The following SMG7 variants were observed in gnomAD, a reference collection of about 807,000 sequenced individuals.
SMG7 encodes SMG7 nonsense mediated mRNA decay factor, also known as nonsense-mediated mRNA decay factor SMG7.
A neutral mutation model predicts 148.2 loss-of-function variants in SMG7; 34 were observed. The ratio of observed to expected loss-of-function variants is 0.23; its 90% CI spans 0.17 to 0.31. SMG7 has a LOEUF of 0.31. Among genes scored for constraint, SMG7 ranks in the 10% least tolerant of loss-of-function variants. The probability of loss-of-function intolerance (pLI) is 1.00; values close to 1 mark genes in which losing one functional copy is unlikely to be tolerated. For synonymous variants in SMG7, 492 were observed against 515.1 expected, an observed-to-expected ratio of 0.96 and a Z score of 0.61; for missense variants, 1,114 against 1,408.4, an observed-to-expected ratio of 0.79 and a Z score of 3.35.
Position 183,533,820 on chromosome 1 carries a change from A to G in SMG7, c.1151A>G (p.Asp384Gly). The G allele has an allele frequency of 6.2e-7, 1 of 1,609,816 alleles. No individual in the cohort carries two copies. Among genetic ancestry groups the G allele is most frequent in the South Asian group, 1.1e-5 (1 of 90,378 alleles). The change falls in exon 10 of 23, where the codon GAT becomes GGT. Residue 384 changes from aspartate to glycine, a missense_variant. By Grantham distance (94) the Asp-to-Gly change is moderately conservative (BLOSUM62 -1). Transcript: ENST00000688051. ...RPRVFQEAVV[D>G]ERQYIWPWLI... ...AGGGTCTTTCAGGAGGCAGTGGTGG[A>G]TGAAAGACAGTAGTAAGTATTTTTA...
intron 7 of SMG7, 39 bp downstream of exon 7, chr1:183,529,081 A>G: frequency 1.3e-6 from 2 of 1,565,400 alleles, no homozygotes; most frequent in Non-Finnish European, 8.6e-7. Context: ...TTCCAAGAGG[A>G]CTTTGTAACC....
chr1:183,527,848 A>T lies in SMG7; in HGVS notation c.485-108A>T. Reference sequence around the variant, plus strand: ...AGTATTTTGTCTTTAATTTTAAATTAACTTTAATGTCTTTATTATCTTTAG... The same window carrying T: ...AGTATTTTGTCTTTAATTTTAAATTTACTTTAATGTCTTTATTATCTTTAG... On this transcript the variant is annotated intron_variant, in intron 5 of 22. Coordinates refer to ENST00000688051, the MANE Select transcript of SMG7 (RefSeq NM_001375584.1). This position sits in a 1 kb window ranked among gnomAD's most constrained non-coding sequence, Gnocchi z 4.0. 1 of 715,936 alleles carries T rather than the reference A, an allele frequency of 1.4e-6. No homozygotes were observed. The highest frequency in any genetic ancestry group is 2.4e-6 in the Non-Finnish European group (1 of 414,074). The allele number at this position is 715,936 out of a possible 1,614,324, so 44.3% of individuals were successfully genotyped here. A position where few individuals can be genotyped will look rare whatever the true frequency, so the allele number is the denominator to read the frequency against.
At chr1:183,516,462 CT>C (rs745639058) in intron 3 of SMG7, among the ~76,000 whole-genome samples, 101 of 152,278 alleles carry the variant, frequency 6.6e-4, no homozygotes, top group South Asian at 5.0e-3. Context: ...ATTTCCTCCC[CT>C]ACCCCCAATA....
intron 1 of SMG7, among the ~76,000 whole-genome samples, chr1:183,482,231 G>C (rs1425500847): frequency 2.6e-5 from 4 of 151,756 alleles, no homozygotes; most frequent in Admixed American, 6.6e-5. Context: ...TGTGGGGGTG[G>C]GGGGTCTAAG....
At chr1:183,540,332 T>C (rs758339843) in intron 12 of SMG7, among the ~76,000 whole-genome samples, 21 of 152,132 alleles carry the variant, frequency 1.4e-4, no homozygotes, top group Non-Finnish European at 2.8e-4. Flanking sequence ...GATTGAATCA[T>C]AATTATTTAT....
At chr1:183,525,165 A>G (rs1665585046) in intron 4 of SMG7, among the ~76,000 whole-genome samples, 1 of 152,208 alleles carries the variant, frequency 6.6e-6, no homozygotes, top group Non-Finnish European at 1.5e-5. Flanking sequence ...CTTGGCAAGC[A>G]AAGTGAGAGG....
At chr1:183,532,387 TC>T (rs1371942467) in intron 8 of SMG7, among the ~76,000 whole-genome samples, 1 of 152,198 alleles carries the variant, frequency 6.6e-6, no homozygotes, top group Non-Finnish European at 1.5e-5. Flanking sequence ...CTGCAGGTAA[TC>T]TAAAATAATT....
intron 1 of SMG7, among the ~76,000 whole-genome samples, chr1:183,475,235 A>G (rs909054264): frequency 2.0e-5 from 3 of 152,196 alleles, no homozygotes; most frequent in African/African-American, 4.8e-5. Context: ...AAGGGTGAAC[A>G]TGGGAGGATA....
chr1:183,526,732 TCTGCCAGCA>T lies in SMG7; in HGVS notation c.455_463del (p.Gln152_Cys154del). The T allele has an allele frequency of 6.2e-7, 1 of 1,613,644 alleles. No homozygotes were observed. The highest frequency in any genetic ancestry group is 8.5e-7 in the Non-Finnish European group (1 of 1,179,744). ...CCACAGTCTAGCTCCTGTTCCTATATCTGCCAGCACTGCCTCGTCCACCTTGGAGACATT... is the reference window on the plus strand; with the variant it reads ...CCACAGTCTAGCTCCTGTTCCTATATCTGCCTCGTCCACCTTGGAGACATT... On this transcript the variant is annotated inframe_deletion, in exon 5 of 23. Transcript: ENST00000688051.
At chr1:183,506,450 C>T (rs1660906224) in intron 1 of SMG7, among the ~76,000 whole-genome samples, 1 of 152,004 alleles carries the variant, frequency 6.6e-6, no homozygotes, top group South Asian at 2.1e-4. Flanking sequence ...TATTGCGAGA[C>T]TTGATGTGTG....
At chr1:183,493,482 C>T (rs1657573202) in intron 1 of SMG7, among the ~76,000 whole-genome samples, 1 of 152,168 alleles carries the variant, frequency 6.6e-6, no homozygotes, top group African/African-American at 2.4e-5. Flanking sequence ...TGTGCACTTA[C>T]AAAGAAGGTG....
At chr1:183,533,029 A>G in intron 8 of SMG7, 135 bp from the exon 9 acceptor site, 1 of 667,768 alleles carries the variant, frequency 1.5e-6, no homozygotes, top group Non-Finnish European at 2.5e-6. Flanking sequence ...ACTGGGATTG[A>G]GGGCAGAACC....
chr1:183,552,772 T>G lies in SMG7; in HGVS notation c.*841T>G. On this transcript the variant is annotated 3_prime_UTR_variant, in exon 23 of 23. Transcript: ENST00000688051. ...TTTTACAGTCGCACAGCAAGCAGTC[T>G]CACAGAAGGCAGGCTAGTCCATTCA... The G allele has an allele frequency of 1.4e-6, 2 of 1,397,940 alleles. No individual in the cohort carries two copies. Among genetic ancestry groups the G allele is most frequent in the Non-Finnish European group, 1.9e-6 (2 of 1,078,590 alleles). The allele number at this position is 1,397,940 out of a possible 1,614,324, so 86.6% of individuals were successfully genotyped here.
At chr1:183,477,182 G>T (rs1227588507) in intron 1 of SMG7, among the ~76,000 whole-genome samples, 1 of 152,134 alleles carries the variant, frequency 6.6e-6, no homozygotes, top group Non-Finnish European at 1.5e-5. Flanking sequence ...TGTTATAAAA[G>T]GTGGCACAGG....
rs1669918168 is a variant in SMG7, at chr1:183,546,309, A to C, written c.2714A>C (p.Gln905Pro). ...TCACCAGGAGTCTTCCGTCCAGAGC[A>C]GGATCCTGTACCCAGAATGCCGTTT... ...KRSPGVFRPE[Q>P]DPVPRMPFED... Residue 905 changes from glutamine to proline, a missense_variant, in exon 17 of 23, where the codon CAG becomes CCG. Physicochemically the swap from Gln to Pro is moderately conservative, Grantham distance 76. This residue lies in a region of SMG7 where 788 missense variants were observed against 894.5 expected (regional missense o/e 0.88). Coordinates refer to ENST00000688051, the MANE Select transcript of SMG7 (RefSeq NM_001375584.1). The C allele has an allele frequency of 3.1e-6, 5 of 1,613,646 alleles. No homozygotes were observed. Among genetic ancestry groups the C allele is most frequent in the Non-Finnish European group, 4.2e-6 (5 of 1,179,682 alleles).
rs1558069851 is a variant in SMG7 at position 183,549,298 on chromosome 1, C to T, written c.2973+10C>T. Reference sequence around the variant, plus strand: ...ATTCTCTCTCAATCAGGTAGGTGAACAATGAAGAATCCTGCTGTGTGCTTT... The same window carrying T: ...ATTCTCTCTCAATCAGGTAGGTGAATAATGAAGAATCCTGCTGTGTGCTTT... On this transcript the variant is annotated intron_variant, in intron 19 of 22. Transcript: ENST00000688051. 1 of 1,587,214 alleles carries T rather than the reference C, an allele frequency of 6.3e-7. No individual in the cohort carries two copies. The highest frequency in any genetic ancestry group is 8.7e-7 in the Non-Finnish European group (1 of 1,155,578).
At chr1:183,473,628 A>C in intron 1 of SMG7, 1 of 531,580 alleles carries the variant, frequency 1.9e-6, no homozygotes, top group Non-Finnish European at 2.4e-6. Flanking sequence ...CTTGATAGAG[A>C]AAAGTAAGGT....
chr1:183,488,790 T>G (rs1447060739), intron 1 of SMG7, among the ~76,000 whole-genome samples: 1 of 142,094 alleles, frequency 7.0e-6, no homozygotes, highest in African/African-American at 2.6e-5. Context: ...TTCAAGTGAC[T>G]CTCCTGCCTC....
rs1195117937 is a variant in SMG7 at position 183,515,945 on chromosome 1, G to C, written c.133G>C (p.Val45Leu). ...GCAGGACCTGTACCAGAAAATGCTA[G>C]TTACCGATTTGGAATACGCTTTAGA... ...ALQDLYQKML[V>L]TDLEYALDKK... Residue 45 changes from valine to leucine, a missense_variant, in exon 3 of 23, where the codon GTT (valine) becomes CTT (leucine). Physicochemically the swap from Val to Leu is conservative, Grantham distance 32 (BLOSUM62 1). Coordinates refer to ENST00000688051, the MANE Select transcript of SMG7 (RefSeq NM_001375584.1). 6.2e-7 allele frequency: 1 copy of C among 1,613,348 alleles called. No individual in the cohort carries two copies. Among genetic ancestry groups the C allele is most frequent in the Non-Finnish European group, 8.5e-7 (1 of 1,179,548 alleles).
Sources: allele counts gnomAD v4.1 joint callset (sites outside exome capture counted in the v4.1 genomes callset), GRCh38; gene constraint gnomAD v4.1.1; regional missense constraint gnomAD v4.1.1; non-coding constraint Gnocchi (gnomAD v3.1); transcripts MANE v1.5; gene names NCBI Gene and HGNC (gene_info 2026-07-23, HGNC 2026-07-21).